NPHP3: variants seen among roughly 807,000 people sequenced by gnomAD.
NPHP3 encodes nephrocystin-3.
Under a neutral mutation model 171.9 loss-of-function variants are expected in NPHP3, and 123 were observed. The ratio of observed to expected loss-of-function variants is 0.72; its 90% CI spans 0.62 to 0.83. The LOEUF is 0.83. NPHP3 is among the 40% of genes least tolerant of loss of function. The pLI, the probability that NPHP3 is intolerant of heterozygous loss-of-function variation, is 0.00. For missense variants in NPHP3, 1,506 were observed against 1,591.9 expected, an observed-to-expected ratio of 0.95 and a Z score of 0.92; for synonymous variants, 558 against 579.2, an observed-to-expected ratio of 0.96 and a Z score of 0.52.
intron 9 of NPHP3, among the ~76,000 whole-genome samples, chr3:132,701,900 C>T (rs1463858370): frequency 6.6e-6 from 1 of 152,130 alleles, no homozygotes; most frequent in Non-Finnish European, 1.5e-5. Context: ...GTGGCGGGCG[C>T]CTGTAGTCCC....
Position 132,687,243 on chromosome 3 carries a change from A to G in NPHP3, c.3126-17T>C, listed in dbSNP as rs186041429. On this transcript the variant is annotated splice_polypyrimidine_tract_variant and intron_variant, in intron 21 of 26. Transcript: ENST00000337331. Reference sequence around the variant, plus strand: ...TGTTCATATCTTAAAAAAAAATTACAGTAAGTCAAACAAAAGAAACATATT... The same window carrying G: ...TGTTCATATCTTAAAAAAAAATTACGGTAAGTCAAACAAAAGAAACATATT... The G allele has an allele frequency of 3.7e-5, 40 of 1,077,930 alleles. No individual in the cohort carries two copies. Among genetic ancestry groups the G allele is most frequent in the Non-Finnish European group, 5.3e-5 (37 of 700,936 alleles). The allele number at this position is 1,077,930 out of a possible 1,614,324, so 66.8% of individuals were successfully genotyped here. A position where few individuals can be genotyped will look rare whatever the true frequency, so the allele number is the denominator to read the frequency against.
intron 7 of NPHP3, among the ~76,000 whole-genome samples, chr3:132,706,358 C>CA (rs1314333911): frequency 2.2e-3 from 214 of 96,722 alleles, no homozygotes; most frequent in African/African-American, 4.1e-3. Flanking sequence ...GACTCTGTCT[C>CA]AAAAAAAAAA....
chr3:132,686,036 G>A (rs1461351340), intron 23 of NPHP3: 8 of 439,384 alleles, frequency 1.8e-5, no homozygotes, highest in East Asian at 4.8e-5. Context: ...GCAACAGAGC[G>A]AGACTCCGTC....
chr3:132,694,730 T>TAAA, intron 16 of NPHP3, 97 bp downstream of exon 16: 1 of 1,450,490 alleles, frequency 6.9e-7, no homozygotes, highest in African/African-American at 1.4e-5. Flanking sequence ...GCCTGAAACA[T>TAAA]ATTTAAGCAC....
intron 13 of NPHP3, 42 bp from the exon 14 acceptor site, chr3:132,697,404 A>G (rs557225654): frequency 8.6e-6 from 11 of 1,275,254 alleles, no homozygotes; most frequent in African/African-American, 4.4e-5. Context: ...TAATAATACA[A>G]CAAGAACTGT....
rs559442341 is a variant in NPHP3, at chr3:132,717,476, A to C, written c.671-567T>G. 3.2e-5 allele frequency: 5 copies of C among 153,912 alleles called. No individual in the cohort carries two copies. In the South Asian group the frequency reaches 1.0e-3, roughly 31 times the overall value. 9.5% of individuals were successfully genotyped at this position (153,912 alleles called of 1,614,324 possible). On this transcript the variant is annotated intron_variant, in intron 3 of 26. Transcript: ENST00000337331. ...ATCTACATCCTTGATAACCTTAAGTAAATGGTTATTTGAGCTAAATCTCTG... is the reference window on the plus strand; with the variant it reads ...ATCTACATCCTTGATAACCTTAAGTCAATGGTTATTTGAGCTAAATCTCTG...
Position 132,722,174 on chromosome 3 carries a change from G to A in NPHP3, c.182C>T (p.Pro61Leu), listed in dbSNP as rs1372120745. The change falls in exon 1 of 27, where the codon CCC (proline) becomes CTC (leucine). Residue 61 changes from proline (P) to leucine (L), a missense_variant. Pro to Leu is a moderately conservative substitution (Grantham distance 98). Around this residue, in one of 3 missense-constraint regions of NPHP3, gnomAD observed 930 missense variants for 924.9 expected, o/e 1.01. Transcript: ENST00000337331. ...CAGCCCGCCCGCGCCCACCCCGCGG[G>A]GCAGCGACCCGGGCCCGGCCCCTGC... ...AAAGAGPGSL[P>L]RGVGAGGLLG... 1 of 1,557,514 alleles carries A rather than the reference G, an allele frequency of 6.4e-7. No homozygotes were observed. The highest frequency in any genetic ancestry group is 1.2e-5 in the South Asian group (1 of 86,218).
rs558602820 is a variant in NPHP3, at chr3:132,680,782, A to G, written c.*1128T>C. ...AAATGTTGCAATATTTATAAAATCC[A>G]TAAAAATATTTAATTTTCAGTATGA... On this transcript the variant is annotated 3_prime_UTR_variant, in exon 27 of 27. Coordinates refer to ENST00000337331, the MANE Select transcript of NPHP3 (RefSeq NM_153240.5). 2.6e-5 allele frequency: 4 copies of G among 152,352 alleles called. No homozygotes were observed. The highest frequency in any genetic ancestry group is 1.9e-4 in the East Asian group (1 of 5,192). 9.4% of individuals were successfully genotyped at this position (152,352 alleles called of 1,614,324 possible).
At chr3:132,693,005 T>TA (rs1311601813) in intron 16 of NPHP3, 187 bp from the exon 17 acceptor site, 2 of 595,024 alleles carry the variant, frequency 3.4e-6, no homozygotes, top group Non-Finnish European at 5.9e-6. Flanking sequence ...AAGATTAAGA[T>TA]AGTGTATATA....
At position 132,701,045 on chromosome 3, in the gene NPHP3, G is replaced by A. The variant is rs367809119; in HGVS notation, c.1628+385C>T. On this transcript the variant is annotated intron_variant, in intron 10 of 26. Transcript: ENST00000337331. ...TCACTCTAACTAGTATGCTTTTGTC[G>A]TTTCAAATATTTAAAGTATCAATGA... Among the ~76,000 whole-genome samples, 62 of 152,064 alleles carry A rather than the reference G, an allele frequency of 4.1e-4. 1 individual carries two copies. The East Asian group carries it at 8.9e-3, about 22-fold the overall frequency.
chr3:132,697,993 T>C (rs1346525333), intron 13 of NPHP3, among the ~76,000 whole-genome samples: 1 of 152,088 alleles, frequency 6.6e-6, no homozygotes, highest in East Asian at 1.9e-4. Flanking sequence ...TACTTTTTTT[T>C]TTTTTTGAGG....
chr3:132,712,327 T>A (rs185607100), intron 6 of NPHP3: 3 of 427,220 alleles, frequency 7.0e-6, no homozygotes, highest in Non-Finnish European at 1.4e-5. Context: ...AAGAAAAGAA[T>A]GAAGGTTAAT....
chr3:132,697,203 A>G, intron 14 of NPHP3, 57 bp downstream of exon 14: 3 of 1,153,680 alleles, frequency 2.6e-6, no homozygotes, highest in Non-Finnish European at 3.9e-6. Flanking sequence ...CTCACATAAG[A>G]TGTTTCATAG....
intron 7 of NPHP3, 35 bp from the exon 8 acceptor site, chr3:132,705,849 C>A: frequency 8.8e-7 from 1 of 1,136,610 alleles, no homozygotes; most frequent in South Asian, 1.3e-5. Flanking sequence ...ATGAGAAAAA[C>A]CATAATATCA....
At chr3:132,684,937 C>T in intron 23 of NPHP3, 143 bp from the exon 24 acceptor site, 1 of 959,346 alleles carries the variant, frequency 1.0e-6, no homozygotes, top group Non-Finnish European at 1.6e-6. Flanking sequence ...TCTTACTTTC[C>T]CCCTCTTCCC....
chr3:132,688,669 A>C lies in NPHP3; in HGVS notation c.3106T>G (p.Leu1036Val). Residue 1036 changes from leucine to valine, a missense_variant, in exon 21 of 27, where the codon TTG becomes GTG. Leu to Val is a conservative substitution (Grantham distance 32, BLOSUM62 1). This residue lies in a region of NPHP3 where 569 missense variants were observed against 648.1 expected (regional missense o/e 0.88). Coordinates refer to ENST00000337331, the MANE Select transcript of NPHP3 (RefSeq NM_153240.5). ...TCTTACTTATTTTGTTTCTGGTACA[A>C]AGTTGCAAGTGCTTCAAGTTCACGA... ...TARELEALAT[L>V]YQKQNKYEQA... 1 of 1,614,142 alleles carries C rather than the reference A, an allele frequency of 6.2e-7. No individual in the cohort carries two copies. Among genetic ancestry groups the C allele is most frequent in the Non-Finnish European group, 8.5e-7 (1 of 1,179,974 alleles).
Position 132,696,726 on chromosome 3 carries a change from C to A in NPHP3, c.2171+5G>T. The A allele has an allele frequency of 3.1e-6, 5 of 1,613,260 alleles. No individual in the cohort carries two copies. Among genetic ancestry groups the A allele is most frequent in the Non-Finnish European group, 4.2e-6 (5 of 1,179,170 alleles). On this transcript the variant is annotated splice_donor_5th_base_variant and intron_variant, in intron 15 of 26. Coordinates refer to ENST00000337331, the MANE Select transcript of NPHP3 (RefSeq NM_153240.5). ...AGAAGATCATGTAAAATAATCACCA[C>A]TCACCGCGCGATCATTTTGCCGAAA...
chr3:132,713,786 T>G (rs970444271), intron 5 of NPHP3, among the ~76,000 whole-genome samples: 1 of 152,218 alleles, frequency 6.6e-6, no homozygotes, highest in African/African-American at 2.4e-5. Flanking sequence ...AGTAATGCCC[T>G]CAAAATGTCG....
intron 23 of NPHP3, chr3:132,685,539 T>A (rs932360959): frequency 4.6e-5 from 7 of 152,256 alleles, no homozygotes; most frequent in African/African-American, 1.7e-4. Flanking sequence ...ATTTTTCTGA[T>A]ATATGAAGTC....
Sources: gnomAD v4.1 joint callset for allele counts (sites outside exome capture counted in the v4.1 genomes callset) on GRCh38, gnomAD v4.1.1 for gene constraint, gnomAD v4.1.1 regional missense constraint, MANE v1.5 for transcripts, NCBI Gene and HGNC (gene_info 2026-07-23, HGNC 2026-07-21) for gene names.